NIPSNAP2: variants seen among roughly 807,000 people sequenced by gnomAD.
The protein encoded by NIPSNAP2 is nipsnap homolog 2.
A neutral mutation model predicts 48.4 loss-of-function variants in NIPSNAP2; 42 were observed. The observed-to-expected ratio is 0.87, with a 90% CI of 0.68 to 1.12. NIPSNAP2 has a LOEUF of 1.12. Ranked by LOEUF, NIPSNAP2 falls within the 50% of genes most tolerant of loss-of-function variation. NIPSNAP2 has a pLI of 0.00. For synonymous variants in NIPSNAP2, 158 were observed against 126.6 expected (o/e 1.25, Z -1.67); for missense variants, 314 against 347.3 (o/e 0.90, Z 0.76).
At chr7:55,982,014 C>T (rs1787226566) in intron 4 of NIPSNAP2, 196 bp from the exon 5 acceptor site, 2 of 399,500 alleles carry the variant, frequency 5.0e-6, no homozygotes, top group South Asian at 8.7e-5. Flanking sequence ...ACCATGTTGG[C>T]CAGGCTGGTC....
intron 1 of NIPSNAP2, among the ~76,000 whole-genome samples, chr7:55,966,435 TGTCCC>T (rs1786896754): frequency 6.6e-6 from 1 of 152,098 alleles, no homozygotes; most frequent in African/African-American, 2.4e-5. Context: ...AGTGGAACTC[TGTCCC>T]TAATAATAAA....
intron 7 of NIPSNAP2, among the ~76,000 whole-genome samples, chr7:55,991,474 C>T (rs542922892): frequency 5.9e-5 from 9 of 151,664 alleles, no homozygotes; most frequent in Non-Finnish European, 1.2e-4. Flanking sequence ...TGACCAGGCG[C>T]GGTGGCTCAC....
At chr7:55,978,572 A>C in intron 3 of NIPSNAP2, 177 bp downstream of exon 3, 1 of 610,458 alleles carries the variant, frequency 1.6e-6, no homozygotes, top group African/African-American at 1.9e-5. Context: ...TTTGATTTTA[A>C]GCACTCACAC....
rs1786848495 is a variant in NIPSNAP2 at position 55,964,587 on chromosome 7, T to G, written c.-23T>G. 1 of 984,612 alleles carries G rather than the reference T, an allele frequency of 1.0e-6. No homozygotes were observed. The highest frequency in any genetic ancestry group is 1.8e-5 in the African/African-American group (1 of 56,412). The allele number at this position is 984,612 out of a possible 1,614,324, so 61.0% of individuals were successfully genotyped here. ...GGCGTCAGCGGCGGCGCCCGGGCGG[T>G]GGGAGCCGAGGCGCCGAGCAAGATG... On this transcript the variant is annotated 5_prime_UTR_variant, in exon 1 of 10. Transcript: ENST00000322090.
intron 7 of NIPSNAP2, among the ~76,000 whole-genome samples, chr7:55,990,513 G>A (rs1377385231): frequency 2.0e-5 from 3 of 152,186 alleles, no homozygotes; most frequent in East Asian, 1.9e-4. Flanking sequence ...TTACAGGCAT[G>A]AGCCACCGTG....
chr7:55,976,356 G>A (rs1052067220), intron 1 of NIPSNAP2, among the ~76,000 whole-genome samples: 3 of 152,122 alleles, frequency 2.0e-5, no homozygotes, highest in Admixed American at 2.0e-4. Flanking sequence ...CTATTCAAAT[G>A]GCCTATGCCA....
At chr7:55,997,237 G>C in intron 8 of NIPSNAP2, 129 bp from the exon 9 acceptor site, 1 of 645,704 alleles carries the variant, frequency 1.5e-6, no homozygotes. Context: ...CCCCAGCCCA[G>C]TATATTACAC....
chr7:55,976,757 G>A (rs555954393), intron 1 of NIPSNAP2, among the ~76,000 whole-genome samples: 2 of 152,138 alleles, frequency 1.3e-5, no homozygotes, highest in South Asian at 2.1e-4. Flanking sequence ...GCAAGATGAC[G>A]TATGCCTCTA....
intron 1 of NIPSNAP2, among the ~76,000 whole-genome samples, chr7:55,971,269 G>T (rs747388177): frequency 6.6e-6 from 1 of 152,164 alleles, no homozygotes; most frequent in African/African-American, 2.4e-5. Flanking sequence ...TTGACGGTTG[G>T]GGGTAGTACT....
At chr7:55,969,345 G>T (rs1420228680) in intron 1 of NIPSNAP2, among the ~76,000 whole-genome samples, 1 of 151,164 alleles carries the variant, frequency 6.6e-6, no homozygotes, top group Non-Finnish European at 1.5e-5. Flanking sequence ...TCTCCCCCGG[G>T]TCTGTGCTTC....
intron 1 of NIPSNAP2, among the ~76,000 whole-genome samples, chr7:55,970,878 C>T (rs1340200666): frequency 6.6e-6 from 1 of 152,240 alleles, no homozygotes; most frequent in East Asian, 1.9e-4. Flanking sequence ...TCCTGCACCT[C>T]CCAGGCCAAG....
intron 1 of NIPSNAP2, among the ~76,000 whole-genome samples, chr7:55,977,878 T>C (rs1001073022): frequency 4.1e-4 from 63 of 152,206 alleles, no homozygotes; most frequent in African/African-American, 1.5e-3. Flanking sequence ...TGTCAAAAAT[T>C]GCTTTGAAAA....
At chr7:55,990,474 G>A (rs1026696672) in intron 7 of NIPSNAP2, among the ~76,000 whole-genome samples, 6 of 152,016 alleles carry the variant, frequency 3.9e-5, no homozygotes, top group Non-Finnish European at 8.8e-5. Context: ...CTCATGATCC[G>A]CCTGCCTCGG....
intron 1 of NIPSNAP2, among the ~76,000 whole-genome samples, chr7:55,974,126 G>A (rs1787062635): frequency 6.6e-6 from 1 of 152,074 alleles, no homozygotes; most frequent in Non-Finnish European, 1.5e-5. Flanking sequence ...TCAGGAGGCT[G>A]AGGTGGGAGA....
intron 7 of NIPSNAP2, among the ~76,000 whole-genome samples, chr7:55,988,149 C>T (rs938783074): frequency 3.3e-5 from 5 of 151,996 alleles, no homozygotes; most frequent in Non-Finnish European, 5.9e-5. Context: ...GTAATCTCAG[C>T]TGCTTGGGAG....
chr7:55,979,503 G>A (rs1004948438), intron 3 of NIPSNAP2: 2 of 290,584 alleles, frequency 6.9e-6, no homozygotes, highest in African/African-American at 2.2e-5. Context: ...GTTCTCTGTG[G>A]TGAATCTGTC....
At chr7:55,989,831 G>A (rs1269814841) in intron 7 of NIPSNAP2, among the ~76,000 whole-genome samples, 1 of 151,994 alleles carries the variant, frequency 6.6e-6, no homozygotes, top group Non-Finnish European at 1.5e-5. Context: ...TACTGCCTGG[G>A]CATGGTGGCT....
At chr7:55,977,180 C>T (rs975348339) in intron 1 of NIPSNAP2, among the ~76,000 whole-genome samples, 2 of 151,872 alleles carry the variant, frequency 1.3e-5, no homozygotes, top group African/African-American at 4.8e-5. Context: ...TGCCTGAGCT[C>T]AGGAGTTCAT....
At chr7:55,979,032 A>G (rs1787160019) in intron 3 of NIPSNAP2, 1 of 152,304 alleles carries the variant, frequency 6.6e-6, no homozygotes, top group Non-Finnish European at 1.5e-5. Context: ...AATGTGAAGA[A>G]AAAGGTTTTT....
Sources: allele counts gnomAD v4.1 joint callset (sites outside exome capture counted in the v4.1 genomes callset), GRCh38; gene constraint gnomAD v4.1.1; transcripts MANE v1.5; gene names NCBI Gene and HGNC (gene_info 2026-07-23, HGNC 2026-07-21).